Variants in DHX29 observed in about 807,000 individuals in gnomAD.
DHX29 encodes DExH-box helicase 29, also known as ATP-dependent RNA helicase DHX29.
Under a neutral mutation model 167.9 loss-of-function variants are expected in DHX29, and 79 were observed. The ratio of observed to expected loss-of-function variants is 0.47; its 90% CI spans 0.39 to 0.57. The LOEUF is 0.57. Among genes scored for constraint, DHX29 ranks in the 20% least tolerant of loss-of-function variants. The probability of loss-of-function intolerance (pLI) is 0.00; values close to 1 mark genes in which losing one functional copy is unlikely to be tolerated. For synonymous variants in DHX29, 530 were observed against 546.0 expected, an observed-to-expected ratio of 0.97 and a Z score of 0.41; for missense variants, 1,347 against 1,593.4, an observed-to-expected ratio of 0.85 and a Z score of 2.63.
chr5:55,262,935 A>G lies in DHX29; in HGVS notation c.3526-3T>C. 1 of 1,603,040 alleles carries G rather than the reference A, an allele frequency of 6.2e-7. No individual in the cohort carries two copies. The highest frequency in any genetic ancestry group is 1.1e-5 in the South Asian group (1 of 89,980). ...TTTATTAACTCCTGCTTTACATCCT[A>G]GATTGGTTTATGTTAAAAACACAAA... On this transcript the variant is annotated splice_polypyrimidine_tract_variant and splice_region_variant and intron_variant, in intron 23 of 26. Transcript: ENST00000251636.
intron 1 of DHX29, among the ~76,000 whole-genome samples, chr5:55,301,550 C>T (rs950296681): frequency 1.3e-5 from 2 of 151,678 alleles, no homozygotes; most frequent in Non-Finnish European, 2.9e-5. Flanking sequence ...CCCATCTCTA[C>T]TAAAAATACA....
chr5:55,300,138 G>A (rs898022500), intron 1 of DHX29, among the ~76,000 whole-genome samples: 5 of 149,644 alleles, frequency 3.3e-5, no homozygotes, highest in African/African-American at 1.2e-4. Flanking sequence ...TTGGGAGGCT[G>A]AGGTAGGAGG....
At chr5:55,260,028 A>C in intron 25 of DHX29, 84 bp from the exon 26 acceptor site, 1 of 682,354 alleles carries the variant, frequency 1.5e-6, no homozygotes. Flanking sequence ...AGCCTATATT[A>C]CAATCTGCCT....
intron 1 of DHX29, among the ~76,000 whole-genome samples, chr5:55,303,130 A>T (rs1748690128): frequency 6.6e-6 from 1 of 152,132 alleles, no homozygotes; most frequent in African/African-American, 2.4e-5. Flanking sequence ...AATCAACCAG[A>T]ATCAGTTTCT....
intron 2 of DHX29, 30 bp downstream of exon 2, chr5:55,298,561 T>C (rs764060962): frequency 2.3e-6 from 3 of 1,316,958 alleles, no homozygotes; most frequent in Non-Finnish European, 2.2e-6. Flanking sequence ...GAAACATTTC[T>C]TGAAATGACT....
chr5:55,261,735 T>C (rs1746325534), intron 24 of DHX29, among the ~76,000 whole-genome samples: 1 of 152,170 alleles, frequency 6.6e-6, no homozygotes. Context: ...TTGCTAAGGC[T>C]GAGTTATATA....
intron 18 of DHX29, among the ~76,000 whole-genome samples, chr5:55,271,167 G>C (rs749455169): frequency 3.7e-4 from 56 of 152,106 alleles, no homozygotes; most frequent in Non-Finnish European, 7.2e-4. Flanking sequence ...ATATTGCTAT[G>C]GTTTCCTAAA....
intron 1 of DHX29, among the ~76,000 whole-genome samples, chr5:55,301,095 G>A (rs997131634): frequency 6.6e-6 from 1 of 152,124 alleles, no homozygotes; most frequent in Non-Finnish European, 1.5e-5. Context: ...CCATCCCTGT[G>A]ATCTCATTTA....
chr5:55,305,824 T>C lies in DHX29; in HGVS notation c.187+1563A>G, dbSNP rs966670596. The stretch of plus-strand genomic sequence containing the variant: ...AATAGGGTCAGAGAATCCAGCAAAA[T>C]GTATAAATTGCCAACTTGAGCTTGG... On this transcript the variant is annotated intron_variant, in intron 1 of 26. Coordinates refer to ENST00000251636, the MANE Select transcript of DHX29 (RefSeq NM_019030.4). Among the ~76,000 whole-genome samples, 13 of 152,116 alleles carry C rather than the reference T, an allele frequency of 8.5e-5. 1 individual carries two copies. The highest frequency in any genetic ancestry group is 2.9e-4 in the African/African-American group (12 of 41,428).
At chr5:55,293,195 G>A (rs1433096360) in intron 6 of DHX29, among the ~76,000 whole-genome samples, 1 of 152,158 alleles carries the variant, frequency 6.6e-6, no homozygotes, top group Non-Finnish European at 1.5e-5. Context: ...CAGACATATG[G>A]GCTGTTTGCA....
intron 16 of DHX29, 150 bp downstream of exon 16, chr5:55,274,464 T>C (rs886821811): frequency 1.8e-6 from 1 of 547,366 alleles, no homozygotes; most frequent in Non-Finnish European, 3.2e-6. Context: ...CATGTTATAA[T>C]GGAAGTGTTT....
intron 8 of DHX29, among the ~76,000 whole-genome samples, chr5:55,288,409 T>C (rs1747856526): frequency 6.6e-6 from 1 of 151,132 alleles, no homozygotes; most frequent in South Asian, 2.1e-4. Flanking sequence ...AATAGTATAC[T>C]ATTAAACTAT....
At chr5:55,280,126 C>G (rs145833526) in intron 12 of DHX29, among the ~76,000 whole-genome samples, 9 of 152,174 alleles carry the variant, frequency 5.9e-5, no homozygotes, top group Non-Finnish European at 1.0e-4. Context: ...TGGACTTTGT[C>G]CTGACATCTC....
In DHX29 at chr5:55,275,293, G is replaced by A. The variant is rs1747052965; in HGVS notation, c.2428-283C>T. On this transcript the variant is annotated intron_variant, in intron 14 of 26. Transcript: ENST00000251636. The stretch of plus-strand genomic sequence containing the variant: ...TAAAAGAATTGTAGAAAAACATACT[G>A]TAATCATGTATGCATCATTCTGTGG... 2.0e-5 allele frequency among the ~76,000 whole-genome samples: 3 copies of A among 152,076 alleles called. No individual in the cohort carries two copies. In the South Asian group the frequency reaches 6.2e-4, roughly 31 times the overall value.
rs186401197 is a variant in DHX29, at chr5:55,303,520, G to A, written c.187+3867C>T. On this transcript the variant is annotated intron_variant, in intron 1 of 26. Transcript: ENST00000251636. ...GAAGTACACACTGCCAGGGCCGCCT[G>A]ACTAATTATTTTGAAATGTAAACCA... 1.3e-3 allele frequency among the ~76,000 whole-genome samples: 204 copies of A among 152,310 alleles called. 2 individuals carry two copies. In the Middle Eastern group the frequency reaches 0.024, roughly 18 times the overall value.
At chr5:55,299,850 C>T (rs1345342654) in intron 1 of DHX29, among the ~76,000 whole-genome samples, 2 of 152,188 alleles carry the variant, frequency 1.3e-5, no homozygotes, top group East Asian at 1.9e-4. Flanking sequence ...CAACCCACTA[C>T]AGTTGCCAAG....
chr5:55,289,291 C>T lies in DHX29; in HGVS notation c.1045G>A (p.Ala349Thr). 1 of 1,576,108 alleles carries T rather than the reference C, an allele frequency of 6.3e-7. No homozygotes were observed. Among genetic ancestry groups the T allele is most frequent in the Non-Finnish European group, 8.6e-7 (1 of 1,167,256 alleles). The change falls in exon 8 of 27, where the codon GCT becomes ACT. Residue 349 changes from alanine to threonine, a missense_variant. Ala to Thr is a moderately conservative substitution (Grantham distance 58). Transcript: ENST00000251636. The part of the protein sequence containing the change: ...LNFNLFEKSA[A>T]ATEEEKDKKK... ...TTACCTTTCTCTTCTTCAGTAGCAGCTGCAGATTTTTCAAATAAATTAAAA... is the reference window on the plus strand; with the variant it reads ...TTACCTTTCTCTTCTTCAGTAGCAGTTGCAGATTTTTCAAATAAATTAAAA...
intron 9 of DHX29, 28 bp from the exon 10 acceptor site, chr5:55,285,444 A>C: frequency 1.3e-6 from 2 of 1,568,234 alleles, no homozygotes; most frequent in Non-Finnish European, 8.7e-7. Flanking sequence ...CATTTTAAAA[A>C]AATAAAGTTG....
rs2111926581 is a variant in DHX29, at chr5:55,289,367, T to C, written c.969A>G (p.Gln323=). 1 of 1,601,956 alleles carries C rather than the reference T, an allele frequency of 6.2e-7. No homozygotes were observed. Among genetic ancestry groups the C allele is most frequent in the Non-Finnish European group, 8.5e-7 (1 of 1,176,338 alleles). ...FNPAMKISHQ[Q]NERKKPPVAT... ...CTACAGGAGGCTTTTTCCTTTCATT[T>C]TGTTGATGTGAAATCTTCATGGCTG... is the stretch of plus-strand genomic sequence containing the variant. Residue 323 remains glutamine (Q), a synonymous_variant, in exon 8 of 27, where the codon CAA becomes CAG. Coordinates refer to ENST00000251636, the MANE Select transcript of DHX29 (RefSeq NM_019030.4).
Sources: gnomAD v4.1 joint callset for allele counts (sites outside exome capture counted in the v4.1 genomes callset) on GRCh38, gnomAD v4.1.1 for gene constraint, MANE v1.5 for transcripts, NCBI Gene and HGNC (gene_info 2026-07-23, HGNC 2026-07-21) for gene names.